Variants in GRM7 observed in about 807,000 individuals in gnomAD.
GRM7 encodes glutamate metabotropic receptor 7.
A neutral mutation model predicts 84.5 loss-of-function variants in GRM7; 35 were observed. That is an observed-to-expected ratio of 0.41 (90% confidence interval 0.32 to 0.55). GRM7 has a LOEUF of 0.55. Ranked by LOEUF, GRM7 falls within the 20% of genes least tolerant of loss-of-function variation. The pLI is 0.19. For synonymous variants in GRM7, 487 were observed against 455.1 expected (o/e 1.07, Z -0.89); for missense variants, 1,003 against 1,194.6 (o/e 0.84, Z 2.36).
intron 4 of GRM7, among the ~76,000 whole-genome samples, chr3:7,389,971 G>A (rs1575263153): frequency 1.3e-5 from 2 of 152,120 alleles, no homozygotes; most frequent in African/African-American, 2.4e-5. Flanking sequence ...CATGGGCTAT[G>A]TGCCTGCATG....
chr3:7,386,232 T>A (rs974171744), intron 4 of GRM7, among the ~76,000 whole-genome samples: 3 of 152,216 alleles, frequency 2.0e-5, no homozygotes, highest in African/African-American at 7.2e-5. Context: ...TACCAGCAAC[T>A]AAATTGTATG....
At chr3:7,080,893 A>T (rs1318901504) in intron 1 of GRM7, among the ~76,000 whole-genome samples, 1 of 152,086 alleles carries the variant, frequency 6.6e-6, no homozygotes, top group African/African-American at 2.4e-5. Context: ...CAAAATATTT[A>T]GCAAATGAAT....
intron 7 of GRM7, among the ~76,000 whole-genome samples, chr3:7,574,839 G>GTCTT (rs1694881935): frequency 6.6e-6 from 1 of 152,192 alleles, no homozygotes; most frequent in Non-Finnish European, 1.5e-5. Flanking sequence ...TTGTGTGGGT[G>GTCTT]TCTTTCCTTT....
chr3:7,307,103 A>C (rs113096937), intron 4 of GRM7, among the ~76,000 whole-genome samples: 40 of 151,388 alleles, frequency 2.6e-4, no homozygotes, highest in African/African-American at 9.3e-4. Flanking sequence ...GCTGTAATAC[A>C]GCACACCACC....
Position 6,887,288 on chromosome 3 carries a change from G to A in GRM7, c.519+25381G>A, listed in dbSNP as rs180835619. Among the ~76,000 whole-genome samples the A allele has an allele frequency of 3.5e-3, 532 of 151,806 alleles. 4 individuals carry two copies. Among genetic ancestry groups the A allele is most frequent in the Middle Eastern group, 0.01 (3 of 294 alleles). ...GTACATGTGCACAATGTGCAGGTTAGTCACATATGTATACATGTGCCATGC... is the reference window on the plus strand; with the variant it reads ...GTACATGTGCACAATGTGCAGGTTAATCACATATGTATACATGTGCCATGC... On this transcript the variant is annotated intron_variant, in intron 1 of 9. Transcript: ENST00000357716.
intron 1 of GRM7, among the ~76,000 whole-genome samples, chr3:6,950,092 TGG>T (rs1363969136): frequency 6.6e-5 from 10 of 152,352 alleles, no homozygotes; most frequent in Admixed American, 2.6e-4. Context: ...TTTCCTTTGC[TGG>T]TGAGGAGCTG....
rs1391001147 is a variant in GRM7, at chr3:7,128,669, G to C, written c.520-17783G>C. On this transcript the variant is annotated intron_variant, in intron 1 of 9. Coordinates refer to ENST00000357716, the MANE Select transcript of GRM7 (RefSeq NM_000844.4). ...TTACAGGTACCCACCACCACGCCCA[G>C]CTAATTTTTTCATATTTTAGTACAG... Among the ~76,000 whole-genome samples, 15 of 100,910 alleles carry C rather than the reference G, an allele frequency of 1.5e-4. 1 individual carries two copies. Among genetic ancestry groups the C allele is most frequent in the Non-Finnish European group, 1.4e-4 (6 of 42,332 alleles). 66.2% of individuals were successfully genotyped at this position (100,910 alleles called of 152,430 possible). A position where few individuals can be genotyped will look rare whatever the true frequency, so the allele number is the denominator to read the frequency against.
intron 2 of GRM7, among the ~76,000 whole-genome samples, chr3:7,266,217 G>C (rs756765544): frequency 1.3e-5 from 2 of 152,132 alleles, no homozygotes; most frequent in Non-Finnish European, 2.9e-5. Context: ...AAAATCCCAA[G>C]TACAGGTTCA....
intron 1 of GRM7, among the ~76,000 whole-genome samples, chr3:6,949,656 A>T (rs1692636909): frequency 6.6e-6 from 1 of 151,784 alleles, no homozygotes; most frequent in African/African-American, 2.4e-5. Context: ...AGTGTTTTCC[A>T]ACTTGGTTCC....
intron 1 of GRM7, among the ~76,000 whole-genome samples, chr3:7,076,688 T>G (rs554632619): frequency 4.5e-4 from 68 of 152,272 alleles, no homozygotes; most frequent in African/African-American, 1.5e-3. Context: ...TGTTCCACTC[T>G]AAAGATCACT....
chr3:7,364,017 A>C (rs1693775541), intron 4 of GRM7, among the ~76,000 whole-genome samples: 1 of 152,052 alleles, frequency 6.6e-6, no homozygotes, highest in Non-Finnish European at 1.5e-5. Flanking sequence ...TGCTATGTAT[A>C]TTATGGGTAT....
intron 2 of GRM7, among the ~76,000 whole-genome samples, chr3:7,280,499 C>T (rs1348589367): frequency 6.6e-6 from 1 of 152,160 alleles, no homozygotes; most frequent in Non-Finnish European, 1.5e-5. Flanking sequence ...CCCTAGGCAA[C>T]ATATGCAGTG....
chr3:7,445,489 CG>C (rs1697467320), intron 5 of GRM7, among the ~76,000 whole-genome samples: 1 of 152,098 alleles, frequency 6.6e-6, no homozygotes, highest in Non-Finnish European at 1.5e-5. Context: ...ACACGTGCTG[CG>C]GGTGGTGCTG....
chr3:7,345,658 T>A (rs948067587), intron 4 of GRM7, among the ~76,000 whole-genome samples: 3 of 152,076 alleles, frequency 2.0e-5, no homozygotes, highest in African/African-American at 7.2e-5. Flanking sequence ...ATATAATAAA[T>A]ACATATTTGA....
chr3:7,722,023 A>G, intron 9 of GRM7, among the ~76,000 whole-genome samples: 1 of 152,238 alleles, frequency 6.6e-6, no homozygotes, highest in East Asian at 1.9e-4. Flanking sequence ...AATGGATGGA[A>G]TGTACTAGGT....
chr3:7,043,027 A>G (rs1417955416), intron 1 of GRM7, among the ~76,000 whole-genome samples: 2 of 152,190 alleles, frequency 1.3e-5, no homozygotes, highest in Admixed American at 1.3e-4. Context: ...GTTTTGCTCC[A>G]CTTCTGAGGA....
chr3:7,111,352 A>G lies in GRM7; in HGVS notation c.520-35100A>G, dbSNP rs114474579. On this transcript the variant is annotated intron_variant, in intron 1 of 9. Coordinates refer to ENST00000357716, the MANE Select transcript of GRM7 (RefSeq NM_000844.4). ...AGAGGCCAGCATTGTTCTTAATGGT[A>G]TATTGCAGAGGTCCAGATAAGGATT... 1.6e-3 allele frequency among the ~76,000 whole-genome samples: 246 copies of G among 152,304 alleles called. 1 individual carries two copies. The highest frequency in any genetic ancestry group is 5.5e-3 in the African/African-American group (227 of 41,572).
chr3:7,628,538 A>G (rs1171122342), intron 8 of GRM7, among the ~76,000 whole-genome samples: 1 of 152,208 alleles, frequency 6.6e-6, no homozygotes, highest in African/African-American at 2.4e-5. Context: ...TCTATATTAT[A>G]TTGCCAACAT....
chr3:7,210,939 T>G (rs1359657294), intron 2 of GRM7, among the ~76,000 whole-genome samples: 1 of 152,286 alleles, frequency 6.6e-6, no homozygotes, highest in South Asian at 2.1e-4. Context: ...TGAAAATCAC[T>G]TATTAAATGA....
Sources: gnomAD v4.1 joint callset for allele counts (sites outside exome capture counted in the v4.1 genomes callset) on GRCh38, gnomAD v4.1.1 for gene constraint, MANE v1.5 for transcripts, NCBI Gene and HGNC (gene_info 2026-07-23, HGNC 2026-07-21) for gene names.